MYO3A: variants seen among roughly 807,000 people sequenced by gnomAD.
The protein encoded by MYO3A is myosin IIIA.
Under a neutral mutation model 192.7 loss-of-function variants are expected in MYO3A, and 180 were observed. The observed-to-expected ratio is 0.93, with a 90% CI of 0.83 to 1.06. MYO3A has a LOEUF of 1.06. Among genes scored for constraint, MYO3A ranks in the 50% least tolerant of loss-of-function variants. MYO3A has a pLI of 0.00. For missense variants in MYO3A, 1,896 were observed against 1,905.0 expected (o/e 1.00, Z 0.09); for synonymous variants, 628 against 645.3 (o/e 0.97, Z 0.41).
At chr10:25,951,997 C>G in intron 2 of MYO3A, 97 bp from the exon 3 acceptor site, 4 of 868,196 alleles carry the variant, frequency 4.6e-6, no homozygotes, top group Non-Finnish European at 7.4e-6. Context: ...TATTTTCTAT[C>G]ATATCAGTGA....
chr10:26,007,386 A>G (rs1417772807), intron 6 of MYO3A, among the ~76,000 whole-genome samples: 1 of 149,058 alleles, frequency 6.7e-6, no homozygotes, highest in Non-Finnish European at 1.5e-5. Flanking sequence ...GGCCAGGGCA[A>G]TCAGGGAGGA....
At chr10:26,034,960 G>A (rs1306508114) in intron 10 of MYO3A, among the ~76,000 whole-genome samples, 4 of 147,604 alleles carry the variant, frequency 2.7e-5, no homozygotes, top group African/African-American at 9.8e-5. Flanking sequence ...CACATCATTT[G>A]TGCTTATATT....
chr10:26,172,658 T>G (rs1842106499), intron 29 of MYO3A, among the ~76,000 whole-genome samples: 1 of 152,230 alleles, frequency 6.6e-6, no homozygotes, highest in African/African-American at 2.4e-5. Context: ...ATGGAGGAAT[T>G]CAAAATACTA....
chr10:25,993,310 G>A (rs1254475785), intron 4 of MYO3A, among the ~76,000 whole-genome samples: 4 of 152,146 alleles, frequency 2.6e-5, no homozygotes, highest in Non-Finnish European at 5.9e-5. Context: ...GGTGTTTATA[G>A]TATTCTCTGA....
At chr10:26,068,643 A>G (rs886710947) in intron 11 of MYO3A, 125 bp from the exon 12 acceptor site, 14 of 608,366 alleles carry the variant, frequency 2.3e-5, no homozygotes, top group Non-Finnish European at 3.5e-5. Context: ...TTTTACTATC[A>G]GTGTGTCTGT....
At chr10:26,046,994 C>T (rs1843667195) in intron 10 of MYO3A, among the ~76,000 whole-genome samples, 2 of 152,150 alleles carry the variant, frequency 1.3e-5, no homozygotes, top group African/African-American at 2.4e-5. Context: ...TTCCCAAATT[C>T]CTGTAATGTA....
intron 27 of MYO3A, 113 bp from the exon 28 acceptor site, chr10:26,168,599 G>A: frequency 3.6e-6 from 4 of 1,118,468 alleles, no homozygotes; most frequent in Non-Finnish European, 5.2e-6. Context: ...GCAAAAGACA[G>A]TGATTTCCAA....
At chr10:26,075,668 GATAT>G (rs953727175) in intron 14 of MYO3A, among the ~76,000 whole-genome samples, 1 of 127,630 alleles carries the variant, frequency 7.8e-6, no homozygotes, top group African/African-American at 3.0e-5. Context: ...ATATATATAT[GATAT>G]ATATATGTCT....
intron 3 of MYO3A, among the ~76,000 whole-genome samples, chr10:25,953,492 A>G (rs150099155): frequency 1.3e-3 from 199 of 152,192 alleles, no homozygotes; most frequent in African/African-American, 4.6e-3. Flanking sequence ...AAGCATTTAA[A>G]CTGAAGGAAC....
intron 4 of MYO3A, among the ~76,000 whole-genome samples, chr10:25,986,606 A>G (rs575459013): frequency 7.9e-5 from 12 of 152,266 alleles, no homozygotes; most frequent in African/African-American, 2.9e-4. Flanking sequence ...CTCTTTCACA[A>G]CAGCTGCAAA....
intron 14 of MYO3A, among the ~76,000 whole-genome samples, chr10:26,075,791 CTCTCTCATATATATGATATATATATG>C (rs1473442105): frequency 2.1e-5 from 3 of 143,130 alleles, no homozygotes; most frequent in East Asian, 2.0e-4. Flanking sequence ...ATATATATGT[CTCTCTCATATATATGATATATATATG>C]TCTCTCATAT....
chr10:26,065,524 G>A (rs1383335077), intron 10 of MYO3A, among the ~76,000 whole-genome samples: 1 of 138,668 alleles, frequency 7.2e-6, no homozygotes, highest in African/African-American at 2.7e-5. Context: ...GGCGGAGGTT[G>A]CAGTGAGCTG....
intron 10 of MYO3A, among the ~76,000 whole-genome samples, chr10:26,031,032 A>T (rs1161810739): frequency 1.3e-5 from 2 of 152,246 alleles, no homozygotes; most frequent in Non-Finnish European, 2.9e-5. Context: ...AATTGGGAGA[A>T]ACTCTAGTTA....
Position 26,125,433 on chromosome 10 carries a change from C to A in MYO3A, c.1939C>A (p.Gln647Lys). 2 of 1,614,038 alleles carry A rather than the reference C, an allele frequency of 1.2e-6. No individual in the cohort carries two copies. The highest frequency in any genetic ancestry group is 1.7e-6 in the Non-Finnish European group (2 of 1,179,936). The change falls in exon 19 of 35, where the codon CAA becomes AAA. Residue 647 changes from glutamine (Q) to lysine (K), a missense_variant. Physicochemically the swap from Gln to Lys is moderately conservative, Grantham distance 53 (BLOSUM62 1). Transcript: ENST00000642920. ...SLLCIRADEL[Q>K]EALTSHCVVT... ...GCTTTGCATTCGGGCAGATGAGCTA[C>A]AAGAAGCTCTCACCTCCCACTGTGT...
intron 20 of MYO3A, among the ~76,000 whole-genome samples, chr10:26,130,363 G>A (rs561589539): frequency 1.3e-4 from 20 of 152,196 alleles, no homozygotes; most frequent in South Asian, 2.1e-4. Flanking sequence ...TGCCTGTCTC[G>A]GCCTCCCAAA....
intron 20 of MYO3A, among the ~76,000 whole-genome samples, chr10:26,133,723 A>G (rs996594203): frequency 6.6e-6 from 1 of 152,206 alleles, no homozygotes; most frequent in African/African-American, 2.4e-5. Flanking sequence ...CCTCCTGAGT[A>G]GTTGGGGCCA....
intron 10 of MYO3A, among the ~76,000 whole-genome samples, chr10:26,030,552 T>C (rs1842758794): frequency 6.6e-6 from 1 of 152,132 alleles, no homozygotes; most frequent in East Asian, 1.9e-4. Context: ...TGGCAACACA[T>C]TAAACAAAAG....
chr10:26,118,631 C>CT lies in MYO3A; in HGVS notation c.1777-2031dup, dbSNP rs879920488. On this transcript the variant is annotated intron_variant, in intron 17 of 34. Transcript: ENST00000642920. ...CTGGCAATTAGCACATAAATCAAAG[C>CT]TTTTTTTTTTTTTTAATTGTGTCCC... Among the ~76,000 whole-genome samples the CT allele has an allele frequency of 4.3e-3, 612 of 141,672 alleles. 2 individuals are homozygous for CT. Among genetic ancestry groups the CT allele is most frequent in the African/African-American group, 3.8e-3 (148 of 38,700 alleles). 92.9% of individuals were successfully genotyped at this position (141,672 alleles called of 152,430 possible). A position where few individuals can be genotyped will look rare whatever the true frequency, so the allele number is the denominator to read the frequency against.
chr10:25,936,533 C>A (rs933361315), intron 2 of MYO3A, among the ~76,000 whole-genome samples: 1 of 152,090 alleles, frequency 6.6e-6, no homozygotes, highest in African/African-American at 2.4e-5. Flanking sequence ...CAAACAAACT[C>A]CCTCCCCCTA....
Sources: allele counts gnomAD v4.1 joint callset (sites outside exome capture counted in the v4.1 genomes callset), GRCh38; gene constraint gnomAD v4.1.1; transcripts MANE v1.5; gene names NCBI Gene and HGNC (gene_info 2026-07-23, HGNC 2026-07-21).